Variants in CASD1 observed in about 807,000 individuals in gnomAD.
CASD1 encodes CAS1 domain sialic acid O acetyltransferase 1, also known as N-acetylneuraminate (7)9-O-acetyltransferase.
Under a neutral mutation model 100.0 loss-of-function variants are expected in CASD1, and 41 were observed. The ratio of observed to expected loss-of-function variants is 0.41; its 90% CI spans 0.32 to 0.53. The LOEUF (loss-of-function observed/expected upper bound fraction) is 0.53, where lower values mean the gene tolerates loss of function less well. CASD1 is among the 20% of genes least tolerant of loss of function. The pLI is 0.25. For missense variants in CASD1, 774 were observed against 948.7 expected (o/e 0.82, Z 2.42); for synonymous variants, 321 against 315.6 (o/e 1.02, Z -0.18).
At chr7:94,544,175 C>G (rs1425995302) in intron 10 of CASD1, among the ~76,000 whole-genome samples, 2 of 152,162 alleles carry the variant, frequency 1.3e-5, no homozygotes, top group East Asian at 1.9e-4. Flanking sequence ...TTAGAAAACT[C>G]AAAGTCATGT....
In CASD1 at chr7:94,528,171, T is replaced by G; in HGVS notation, c.397-17T>G. 6.4e-7 allele frequency: 1 copy of G among 1,572,080 alleles called. No individual in the cohort carries two copies. The highest frequency in any genetic ancestry group is 8.7e-7 in the Non-Finnish European group (1 of 1,149,164). On this transcript the variant is annotated splice_polypyrimidine_tract_variant and intron_variant, in intron 4 of 17. Transcript: ENST00000297273. ...GTTTCTTCAACTTTTTCTTTACTTC[T>G]AACATTTCTCTTTTAGGATTTTCTG...
intron 10 of CASD1, among the ~76,000 whole-genome samples, chr7:94,541,001 C>T (rs182214474): frequency 8.6e-5 from 13 of 151,986 alleles, no homozygotes; most frequent in South Asian, 2.1e-4. Flanking sequence ...CATTTACCAA[C>T]CTAACATTCT....
chr7:94,629,934 C>T, the CASD1 span: 10 of 1,436,826 alleles, frequency 7.0e-6, no homozygotes, highest in Admixed American at 1.5e-4. Context: ...AGAGGGGTCT[C>T]ACTATGTAGA....
At chr7:94,599,753 A>G in the CASD1 span, 1 of 1,433,332 alleles carries the variant, frequency 7.0e-7, no homozygotes. Flanking sequence ...TATGAATTAA[A>G]TAATAGCATT....
At chr7:94,572,081 A>G in the CASD1 span, among the ~76,000 whole-genome samples, 81 of 152,250 alleles carry the variant, frequency 5.3e-4, no homozygotes, top group African/African-American at 1.9e-3. Flanking sequence ...CATGAAATCC[A>G]TGGGATGCCC....
At chr7:94,517,460 ACT>A (rs760871223) in intron 1 of CASD1, 98 bp from the exon 2 acceptor site, 11 of 670,706 alleles carry the variant, frequency 1.6e-5, no homozygotes, top group Non-Finnish European at 2.3e-5. Context: ...AACAGAGAAA[ACT>A]CTACTTTTTT....
chr7:94,545,568 G>T lies in CASD1; in HGVS notation c.1500G>T (p.Leu500=), dbSNP rs777385595. ...AGGTTTTATTTCGTCTCAATTTCCTGGTAGTGGTGTTATGTATAGTAATGG... is the reference window on the plus strand; with the variant it reads ...AGGTTTTATTTCGTCTCAATTTCCTTGTAGTGGTGTTATGTATAGTAATGG... ...VCQVLFRLNF[L]VVVLCIVMDR... is the part of the protein sequence containing the mutation. Residue 500 remains leucine (L), a synonymous_variant, in exon 12 of 18, where the codon CTG becomes CTT. Coordinates refer to ENST00000297273, the MANE Select transcript of CASD1 (RefSeq NM_022900.5). 5.6e-6 allele frequency: 9 copies of T among 1,602,828 alleles called. No homozygotes were observed. Among genetic ancestry groups the T allele is most frequent in the Non-Finnish European group, 7.7e-6 (9 of 1,172,820 alleles).
chr7:94,592,427 C>T, the CASD1 span, among the ~76,000 whole-genome samples: 1 of 151,982 alleles, frequency 6.6e-6, no homozygotes, highest in Non-Finnish European at 1.5e-5. Context: ...CAAGGAGGGA[C>T]CTTAATGAAG....
chr7:94,629,980 CTG>C, the CASD1 span: 3 of 893,472 alleles, frequency 3.4e-6, no homozygotes, highest in South Asian at 1.7e-5. Context: ...TGCAAGGAAA[CTG>C]TTAATAACAA....
At chr7:94,511,956 C>A (rs1345160648) in intron 1 of CASD1, among the ~76,000 whole-genome samples, 1 of 152,202 alleles carries the variant, frequency 6.6e-6, no homozygotes, top group African/African-American at 2.4e-5. Context: ...TCCATAGGTA[C>A]TTCAGTGCCT....
chr7:94,565,454 A>G, the CASD1 span, among the ~76,000 whole-genome samples: 2 of 152,098 alleles, frequency 1.3e-5, no homozygotes, highest in Non-Finnish European at 2.9e-5. Flanking sequence ...AACTTAGCTT[A>G]TGTCTGTTAA....
At chr7:94,575,805 A>G in the CASD1 span, among the ~76,000 whole-genome samples, 4 of 152,334 alleles carry the variant, frequency 2.6e-5, no homozygotes, top group African/African-American at 9.6e-5. Context: ...ATGTCATCCC[A>G]CTGCCTTCTT....
At chr7:94,591,370 C>A in the CASD1 span, among the ~76,000 whole-genome samples, 1 of 152,122 alleles carries the variant, frequency 6.6e-6, no homozygotes, top group Non-Finnish European at 1.5e-5. Flanking sequence ...ACACAGTGCA[C>A]CTTCTACACA....
rs151035774 is a variant in CASD1 at position 94,524,298 on chromosome 7, A to G, written c.352-2864A>G. 33 of 152,250 alleles carry G rather than the reference A, an allele frequency of 2.2e-4. No homozygotes were observed. In the East Asian group the frequency reaches 6.4e-3, roughly 29 times the overall value. 9.4% of individuals were successfully genotyped at this position (152,250 alleles called of 1,614,324 possible). A position where few individuals can be genotyped will look rare whatever the true frequency, so the allele number is the denominator to read the frequency against. ...CCTTAAAGAAAAAAGATAAGCCACA[A>G]ATTGAGAAAAGATAATTTACAACAT... On this transcript the variant is annotated intron_variant, in intron 3 of 17. Coordinates refer to ENST00000297273, the MANE Select transcript of CASD1 (RefSeq NM_022900.5).
At chr7:94,592,932 G>C in the CASD1 span, among the ~76,000 whole-genome samples, 27 of 152,054 alleles carry the variant, frequency 1.8e-4, no homozygotes, top group Non-Finnish European at 3.5e-4. Flanking sequence ...TTAACAATAA[G>C]AAATAGTTAT....
At chr7:94,599,055 C>A in the CASD1 span, 1 of 931,902 alleles carries the variant, frequency 1.1e-6, no homozygotes, top group Non-Finnish European at 1.6e-6. Flanking sequence ...GTATTTTTAT[C>A]TTTTAAAATA....
the CASD1 span, among the ~76,000 whole-genome samples, chr7:94,631,283 G>C: frequency 7.3e-5 from 11 of 151,456 alleles, no homozygotes; most frequent in South Asian, 1.3e-3. Context: ...AAATAGTAAA[G>C]ATGAGAATTT....
At chr7:94,525,579 T>C (rs965227324) in intron 3 of CASD1, among the ~76,000 whole-genome samples, 2 of 152,226 alleles carry the variant, frequency 1.3e-5, no homozygotes, top group Admixed American at 6.5e-5. Flanking sequence ...CATTAATTAC[T>C]GTATGCAAAG....
At chr7:94,604,848 TA>T in the CASD1 span, among the ~76,000 whole-genome samples, 1 of 73,442 alleles carries the variant, frequency 1.4e-5, no homozygotes, top group East Asian at 5.3e-4. Context: ...TATATATATA[TA>T]TATATATATA....
Sources: allele counts gnomAD v4.1 joint callset (sites outside exome capture counted in the v4.1 genomes callset), GRCh38; gene constraint gnomAD v4.1.1; transcripts MANE v1.5; gene names NCBI Gene and HGNC (gene_info 2026-07-23, HGNC 2026-07-21).